The following AGBL1 variants were observed in gnomAD, a reference collection of about 807,000 sequenced individuals.
The protein encoded by AGBL1 is AGBL carboxypeptidase 1.
A neutral mutation model predicts 118.9 loss-of-function variants in AGBL1; 130 were observed. The observed-to-expected ratio is 1.09, with a 90% confidence interval of 0.95 to 1.26. The LOEUF (loss-of-function observed/expected upper bound fraction) is 1.26. Among genes scored for constraint, AGBL1 ranks in the 50% most tolerant of loss-of-function variants. The probability of loss-of-function intolerance (pLI) is 0.00; values close to 1 mark genes in which losing one functional copy is unlikely to be tolerated. For synonymous variants in AGBL1, 555 were observed against 478.9 expected (o/e 1.16, Z -2.08); for missense variants, 1,584 against 1,298.1 (o/e 1.22, Z -3.38).
At chr15:86,354,529 G>A (rs956711208) in intron 17 of AGBL1, among the ~76,000 whole-genome samples, 5 of 152,116 alleles carry the variant, frequency 3.3e-5, no homozygotes, top group East Asian at 1.9e-4. Context: ...AAGGTTAAGC[G>A]GATTTACAAA....
At chr15:86,187,515 C>G (rs186565930) in intron 5 of AGBL1, among the ~76,000 whole-genome samples, 2 of 152,104 alleles carry the variant, frequency 1.3e-5, no homozygotes, top group Non-Finnish European at 2.9e-5. Flanking sequence ...CTTTCATTGA[C>G]CCTAAGCAAC....
chr15:86,423,826 G>A lies in AGBL1; in HGVS notation c.2555+26280G>A, dbSNP rs773288618. ...AATACCTAGCAATACAACTTACAAG[G>A]GATGTGAAGGATCTCTTCAAGGAGA... On this transcript the variant is annotated intron_variant, in intron 18 of 22. Transcript: ENST00000614907. 1.3e-5 allele frequency among the ~76,000 whole-genome samples: 2 copies of A among 152,076 alleles called. 1 individual carries two copies. The highest frequency in any genetic ancestry group is 1.3e-4 in the Admixed American group (2 of 15,270).
intron 5 of AGBL1, among the ~76,000 whole-genome samples, chr15:86,205,197 T>G (rs1399315215): frequency 1.3e-5 from 2 of 152,212 alleles, no homozygotes; most frequent in Non-Finnish European, 2.9e-5. Flanking sequence ...TTAGTTGGAA[T>G]CACACATACG....
intron 18 of AGBL1, among the ~76,000 whole-genome samples, chr15:86,407,007 T>C (rs1016911730): frequency 1.3e-4 from 20 of 152,186 alleles, no homozygotes; most frequent in African/African-American, 4.6e-4. Context: ...TGATACATAT[T>C]GTTGCCAGAT....
intron 23 of AGBL1, among the ~76,000 whole-genome samples, chr15:86,970,356 G>T (rs992787736): frequency 1.3e-5 from 2 of 151,942 alleles, no homozygotes; most frequent in African/African-American, 4.8e-5. Flanking sequence ...ATTGCTTATT[G>T]TTGTCATTTA....
chr15:86,203,508 G>C (rs1443661059), intron 5 of AGBL1, among the ~76,000 whole-genome samples: 1 of 152,170 alleles, frequency 6.6e-6, no homozygotes, highest in Non-Finnish European at 1.5e-5. Context: ...TGGTGTTTCA[G>C]ATGAGGAGTG....
In AGBL1 at chr15:86,827,947, T is replaced by TTTTTTTTTTTTTTTTTTTTTTTTTG. The variant is rs2079053771; in HGVS notation, c.3159-79129_3159-79128insTTTTTTTTTTTTTGTTTTTTTTTTT. ...GGCACTTGATGTAGGGCTTTTTTTTTTTTTTTTTTTTGAGACAGTATCTTG... is the reference window on the plus strand; with the variant it reads ...GGCACTTGATGTAGGGCTTTTTTTTTTTTTTTTTTTTTTTTTTTTTTTTTGTTTTTTTTTTTGAGACAGTATCTTG... On this transcript the variant is annotated intron_variant, in intron 22 of 22. Transcript: ENST00000614907. Among the ~76,000 whole-genome samples, 2 of 117,668 alleles carry TTTTTTTTTTTTTTTTTTTTTTTTTG rather than the reference T, an allele frequency of 1.7e-5. 1 individual carries two copies. Among genetic ancestry groups the TTTTTTTTTTTTTTTTTTTTTTTTTG allele is most frequent in the Non-Finnish European group, 3.6e-5 (2 of 55,348 alleles). 77.2% of individuals were successfully genotyped at this position (117,668 alleles called of 152,430 possible).
chr15:86,528,003 T>C (rs1362985850), intron 19 of AGBL1, among the ~76,000 whole-genome samples: 1 of 152,232 alleles, frequency 6.6e-6, no homozygotes, highest in Non-Finnish European at 1.5e-5. Flanking sequence ...CAGTCATTCA[T>C]TTCTTCATTC....
chr15:86,853,408 C>G (rs912178114), intron 22 of AGBL1, among the ~76,000 whole-genome samples: 5 of 152,104 alleles, frequency 3.3e-5, no homozygotes, highest in Non-Finnish European at 7.4e-5. Context: ...ATAAAATTAG[C>G]TATTATTGCT....
At chr15:86,555,273 G>C (rs1282328726) in intron 21 of AGBL1, among the ~76,000 whole-genome samples, 1 of 152,176 alleles carries the variant, frequency 6.6e-6, no homozygotes, top group Admixed American at 6.5e-5. Flanking sequence ...CAAGCTGACA[G>C]ACTGCTCCTC....
chr15:86,126,561 G>A (rs1898444299), intron 1 of AGBL1, among the ~76,000 whole-genome samples: 1 of 152,176 alleles, frequency 6.6e-6, no homozygotes, highest in Non-Finnish European at 1.5e-5. Flanking sequence ...TGAGAAATGA[G>A]ACCTCTCTAG....
At chr15:86,455,038 G>A (rs973928755) in intron 18 of AGBL1, among the ~76,000 whole-genome samples, 2 of 152,150 alleles carry the variant, frequency 1.3e-5, no homozygotes, top group African/African-American at 4.8e-5. Context: ...CCCATCAGGA[G>A]AATTTTAGGA....
intron 23 of AGBL1, among the ~76,000 whole-genome samples, chr15:86,938,283 C>T (rs2080701168): frequency 6.6e-6 from 1 of 152,118 alleles, no homozygotes; most frequent in Non-Finnish European, 1.5e-5. Flanking sequence ...AGCCCTTTCC[C>T]CTTTTATAGT....
chr15:86,662,181 A>T (rs575867149), intron 21 of AGBL1, among the ~76,000 whole-genome samples: 3 of 152,362 alleles, frequency 2.0e-5, no homozygotes, highest in East Asian at 3.9e-4. Flanking sequence ...ATCCATGTAA[A>T]TGTGCATACA....
At chr15:86,486,778 C>T (rs955491386) in intron 18 of AGBL1, among the ~76,000 whole-genome samples, 2 of 152,052 alleles carry the variant, frequency 1.3e-5, no homozygotes, top group Non-Finnish European at 2.9e-5. Flanking sequence ...CTTTTTATGT[C>T]TCCCTGCTTA....
intron 7 of AGBL1, among the ~76,000 whole-genome samples, chr15:86,250,741 T>C (rs779880821): frequency 2.2e-4 from 33 of 152,044 alleles, no homozygotes; most frequent in Admixed American, 2.0e-4. Context: ...CAGTGTTGAG[T>C]AGCCTCCCAG....
intron 24 of AGBL1, among the ~76,000 whole-genome samples, chr15:87,022,483 T>C (rs2081675866): frequency 6.6e-6 from 1 of 152,054 alleles, no homozygotes; most frequent in Non-Finnish European, 1.5e-5. Context: ...TTAAGAATAA[T>C]TGGTGCTCCA....
chr15:86,456,665 A>T (rs2082262746), intron 18 of AGBL1, among the ~76,000 whole-genome samples: 1 of 152,208 alleles, frequency 6.6e-6, no homozygotes, highest in Non-Finnish European at 1.5e-5. Context: ...TAAAAGCTGC[A>T]CATTGATTAG....
intron 22 of AGBL1, among the ~76,000 whole-genome samples, chr15:86,786,033 G>T (rs1262226399): frequency 6.6e-6 from 1 of 152,132 alleles, no homozygotes; most frequent in Non-Finnish European, 1.5e-5. Context: ...GTAAATAGTT[G>T]TGAAGGGATT....
Sources: gnomAD v4.1 joint callset for allele counts (sites outside exome capture counted in the v4.1 genomes callset) on GRCh38, gnomAD v4.1.1 for gene constraint, MANE v1.5 for transcripts, NCBI Gene and HGNC (gene_info 2026-07-23, HGNC 2026-07-21) for gene names.